The following ABTB3 variants were observed in gnomAD, a reference collection of about 807,000 sequenced individuals.
ABTB3 encodes ankyrin repeat and BTB domain containing 3, also known as ankyrin repeat- and BTB/POZ domain-containing protein 3.
the ABTB3 span, among the ~76,000 whole-genome samples, chr12:107,452,747 A>T: frequency 6.6e-6 from 1 of 152,148 alleles, no homozygotes; most frequent in Non-Finnish European, 1.5e-5. Flanking sequence ...AGGCTGAGGC[A>T]GGAGAATCAT....
At chr12:107,631,030 T>A in the ABTB3 span, among the ~76,000 whole-genome samples, 1 of 152,180 alleles carries the variant, frequency 6.6e-6, no homozygotes, top group Non-Finnish European at 1.5e-5. Flanking sequence ...GGGCTTCAAT[T>A]GAATCCATCA....
At chr12:107,497,013 T>C in the ABTB3 span, among the ~76,000 whole-genome samples, 1 of 152,184 alleles carries the variant, frequency 6.6e-6, no homozygotes, top group African/African-American at 2.4e-5. Flanking sequence ...CTCTATTCAT[T>C]AATTCAGCAC....
At chr12:107,383,695 G>C in the ABTB3 span, among the ~76,000 whole-genome samples, 1 of 152,070 alleles carries the variant, frequency 6.6e-6, no homozygotes, top group Non-Finnish European at 1.5e-5. Flanking sequence ...AATGATTGTC[G>C]ACTGTTTGGA....
the ABTB3 span, among the ~76,000 whole-genome samples, chr12:107,621,303 G>A: frequency 1.3e-5 from 2 of 152,230 alleles, no homozygotes; most frequent in African/African-American, 2.4e-5. Flanking sequence ...AACAAGCTTC[G>A]GTGAGTCCGT....
chr12:107,503,151 G>A, the ABTB3 span, among the ~76,000 whole-genome samples: 1 of 152,172 alleles, frequency 6.6e-6, no homozygotes, highest in Non-Finnish European at 1.5e-5. Context: ...GAACGGGTGA[G>A]GCAGAGAATC....
chr12:107,637,033 G>A, the ABTB3 span, among the ~76,000 whole-genome samples: 2 of 152,232 alleles, frequency 1.3e-5, no homozygotes, highest in African/African-American at 4.8e-5. Context: ...AGCACTTTGG[G>A]AGGCTGAGGC....
chr12:107,562,778 C>T, the ABTB3 span, among the ~76,000 whole-genome samples: 1 of 152,230 alleles, frequency 6.6e-6, no homozygotes, highest in Non-Finnish European at 1.5e-5. Flanking sequence ...AACACAAAAG[C>T]ACTAGGAACA....
the ABTB3 span, chr12:107,649,185 G>C: frequency 1.2e-6 from 2 of 1,603,164 alleles, no homozygotes; most frequent in East Asian, 2.2e-5. Context: ...TGTTGACACT[G>C]TTCTCTGTGT....
the ABTB3 span, among the ~76,000 whole-genome samples, chr12:107,460,564 C>CA: frequency 1.3e-5 from 2 of 152,170 alleles, no homozygotes; most frequent in Non-Finnish European, 2.9e-5. Context: ...GAGGCTGAGG[C>CA]ACAAGAATCG....
At chr12:107,487,430 T>A in the ABTB3 span, among the ~76,000 whole-genome samples, 7 of 152,182 alleles carry the variant, frequency 4.6e-5, no homozygotes, top group Admixed American at 4.6e-4. Context: ...CTCTGTCTGC[T>A]GGGCTCTCAC....
chr12:107,442,831 C>T, the ABTB3 span, among the ~76,000 whole-genome samples: 2 of 152,262 alleles, frequency 1.3e-5, no homozygotes, highest in African/African-American at 4.8e-5. Flanking sequence ...CTGTCTTAGT[C>T]CACTCAGACT....
the ABTB3 span, among the ~76,000 whole-genome samples, chr12:107,615,855 T>G: frequency 6.6e-6 from 1 of 152,166 alleles, no homozygotes; most frequent in East Asian, 1.9e-4. Flanking sequence ...AAAAGAGAGA[T>G]CAGCATCCAA....
chr12:107,417,430 A>G, the ABTB3 span, among the ~76,000 whole-genome samples: 1 of 152,118 alleles, frequency 6.6e-6, no homozygotes, highest in South Asian at 2.1e-4. Context: ...TCTTTGAAGG[A>G]CACTTGTCTT....
the ABTB3 span, chr12:107,520,491 G>T: frequency 1.2e-6 from 2 of 1,613,922 alleles, no homozygotes; most frequent in Admixed American, 1.7e-5. Context: ...CTGCAGGGGT[G>T]CTGTGCCTAC....
At chr12:107,606,555 C>T in the ABTB3 span, among the ~76,000 whole-genome samples, 2 of 151,910 alleles carry the variant, frequency 1.3e-5, no homozygotes, top group Non-Finnish European at 2.9e-5. Context: ...TCCAGTCATA[C>T]GGAATAAAGA....
At chr12:107,618,009 C>A in the ABTB3 span, 2 of 694,662 alleles carry the variant, frequency 2.9e-6, no homozygotes, top group Non-Finnish European at 4.8e-6. Flanking sequence ...GTGGCACCCA[C>A]TGTTAGGCCT....
chr12:107,319,617 C>T, the ABTB3 span: 1 of 1,536,508 alleles, frequency 6.5e-7, no homozygotes, highest in Non-Finnish European at 8.7e-7. Context: ...AGCCGCGTGG[C>T]GCTGCGCATC....
At chr12:107,441,767 G>A in the ABTB3 span, among the ~76,000 whole-genome samples, 4 of 88,174 alleles carry the variant, frequency 4.5e-5, no homozygotes, top group African/African-American at 1.9e-4. Context: ...GTGAGAACTT[G>A]TCTCTACAAA....
At chr12:107,612,723 A>T in the ABTB3 span, 1 of 1,486,418 alleles carries the variant, frequency 6.7e-7, no homozygotes, top group Non-Finnish European at 9.2e-7. Flanking sequence ...GTTATTGTCG[A>T]TTGACCACAG....
Sources: allele counts gnomAD v4.1 joint callset (sites outside exome capture counted in the v4.1 genomes callset), GRCh38; gene constraint gnomAD v4.1.1; transcripts MANE v1.5; gene names NCBI Gene and HGNC (gene_info 2026-07-23, HGNC 2026-07-21).